WAPL: variants seen among roughly 807,000 people sequenced by gnomAD.
WAPL encodes the protein wings apart-like protein homolog.
Under a neutral mutation model 121.0 loss-of-function variants are expected in WAPL, and 5 were observed. The observed-to-expected ratio is 0.04, with a 90% CI of 0.02 to 0.09. WAPL has a LOEUF of 0.09. Among genes scored for constraint, WAPL ranks in the 10% least tolerant of loss-of-function variants. The pLI is 1.00. For missense variants in WAPL, 999 were observed against 1,410.8 expected (o/e 0.71, Z 4.68); for synonymous variants, 480 against 481.5 (o/e 1.00, Z 0.04).
chr10:86,503,481 G>T (rs1842285229), intron 2 of WAPL, among the ~76,000 whole-genome samples: 1 of 152,120 alleles, frequency 6.6e-6, no homozygotes, highest in Non-Finnish European at 1.5e-5. Flanking sequence ...CGCCGGGTGT[G>T]GTGGCTCATG....
chr10:86,445,524 T>C, intron 16 of WAPL, among the ~76,000 whole-genome samples: 1 of 140,094 alleles, frequency 7.1e-6, no homozygotes, highest in East Asian at 2.1e-4. Context: ...TTACCTCTAG[T>C]ATCTTTTTTT....
intron 4 of WAPL, among the ~76,000 whole-genome samples, chr10:86,478,287 G>A (rs1388149495): frequency 6.6e-6 from 1 of 151,942 alleles, no homozygotes; most frequent in Non-Finnish European, 1.5e-5. Flanking sequence ...AAATTAGCTG[G>A]GAATGGTGGC....
intron 4 of WAPL, among the ~76,000 whole-genome samples, chr10:86,492,127 G>T (rs978981612): frequency 1.3e-5 from 2 of 152,034 alleles, no homozygotes; most frequent in Non-Finnish European, 2.9e-5. Context: ...AATATTCTTT[G>T]TGTCTGAGTT....
At chr10:86,459,866 T>C (rs1411926393) in intron 11 of WAPL, among the ~76,000 whole-genome samples, 1 of 152,074 alleles carries the variant, frequency 6.6e-6, no homozygotes, top group Non-Finnish European at 1.5e-5. Flanking sequence ...GTAATCCCAA[T>C]ACTTTGGGAG....
intron 4 of WAPL, among the ~76,000 whole-genome samples, chr10:86,483,485 C>T (rs1327889507): frequency 2.0e-5 from 3 of 151,654 alleles, no homozygotes; most frequent in Non-Finnish European, 2.9e-5. Flanking sequence ...CAATGAATGA[C>T]TATTAACAAT....
rs776181293 is a variant in WAPL, at chr10:86,499,756, T to C, written c.1487A>G (p.Asp496Gly). Residue 496 changes from aspartate (D) to glycine (G), a missense_variant, in exon 3 of 19, where the codon GAT (aspartate) becomes GGT (glycine). Physicochemically the swap from Asp to Gly is moderately conservative, Grantham distance 94. This residue lies in a region of WAPL where 531 missense variants were observed against 563.1 expected (regional missense o/e 0.94). Transcript: ENST00000298767. Reference sequence around the variant, plus strand: ...ACCAGACTGACTGTCCTGGGAATTATCATTGCTTTCTGGGGGAGGCTGCAA... The same window carrying C: ...ACCAGACTGACTGTCCTGGGAATTACCATTGCTTTCTGGGGGAGGCTGCAA... Reference protein sequence around the residue: ...PSLQPPPESNDNSQDSQSGTN... With the variant: ...PSLQPPPESNGNSQDSQSGTN... 6.3e-7 allele frequency: 1 copy of C among 1,598,058 alleles called. No individual in the cohort carries two copies. The highest frequency in any genetic ancestry group is 8.5e-7 in the Non-Finnish European group (1 of 1,175,368).
chr10:86,491,103 A>G (rs538095181), intron 4 of WAPL, among the ~76,000 whole-genome samples: 34 of 150,854 alleles, frequency 2.3e-4, no homozygotes, highest in Admixed American at 2.1e-3. Context: ...ATAAATTTGA[A>G]AAAGAAACTA....
At chr10:86,458,767 C>G (rs186279872) in intron 12 of WAPL, among the ~76,000 whole-genome samples, 1 of 152,220 alleles carries the variant, frequency 6.6e-6, no homozygotes, top group African/African-American at 2.4e-5. Flanking sequence ...TTGTACATTA[C>G]AAAAGTTATA....
chr10:86,511,460 T>C (rs558830965), intron 2 of WAPL, among the ~76,000 whole-genome samples: 19 of 152,234 alleles, frequency 1.2e-4, no homozygotes, highest in African/African-American at 4.1e-4. Flanking sequence ...ATTTATCTCA[T>C]TCACATCAGA....
rs367676418 is a variant in WAPL, at chr10:86,475,159, G to C, written c.1645-1186C>G. On this transcript the variant is annotated intron_variant, in intron 4 of 18. Transcript: ENST00000298767. Reference sequence around the variant, plus strand: ...ATTTCCGAATTGAGAATAAATGACAGTAAACCTACAAAATCAAATCAAGTA... The same window carrying C: ...ATTTCCGAATTGAGAATAAATGACACTAAACCTACAAAATCAAATCAAGTA... Among the ~76,000 whole-genome samples the C allele has an allele frequency of 3.9e-5, 6 of 152,276 alleles. No homozygotes were observed. The South Asian group carries it at 8.3e-4, about 21-fold the overall frequency.
chr10:86,500,706 A>G lies in WAPL; in HGVS notation c.537T>C (p.Asn179=). 6.3e-7 allele frequency: 1 copy of G among 1,579,598 alleles called. No homozygotes were observed. Among genetic ancestry groups the G allele is most frequent in the East Asian group, 2.2e-5 (1 of 44,682 alleles). ...VENFHEEHEK[N]SHHIHKNADD... ...CAGCATTTTTGTGAATATGGTGACT[A>G]TTCTTTTCATGTTCTTCATGAAAAT... is the stretch of plus-strand genomic sequence containing the variant. The change falls in exon 3 of 19, where the codon AAT becomes AAC. Residue 179 remains asparagine, a synonymous_variant. Transcript: ENST00000298767.
intron 15 of WAPL, among the ~76,000 whole-genome samples, chr10:86,448,567 T>C (rs1354860881): frequency 6.6e-6 from 1 of 152,208 alleles, no homozygotes; most frequent in Non-Finnish European, 1.5e-5. Flanking sequence ...GGGTATAGAC[T>C]AAATACTATG....
chr10:86,496,051 T>C (rs961837642), intron 4 of WAPL, among the ~76,000 whole-genome samples: 2 of 151,636 alleles, frequency 1.3e-5, no homozygotes, highest in African/African-American at 4.8e-5. Flanking sequence ...GAGGCGGAGG[T>C]TGCAGTGAGC....
At chr10:86,467,131 A>G (rs896931132) in intron 9 of WAPL, 148 bp downstream of exon 9, 2 of 673,030 alleles carry the variant, frequency 3.0e-6, no homozygotes, top group Non-Finnish European at 2.5e-6. Context: ...GAATGAAATT[A>G]TGCTCAGATC....
chr10:86,449,247 G>A (rs1840909413), intron 15 of WAPL, among the ~76,000 whole-genome samples: 1 of 152,128 alleles, frequency 6.6e-6, no homozygotes, highest in Non-Finnish European at 1.5e-5. Flanking sequence ...TAGCATAAAC[G>A]ATATAAATCT....
chr10:86,458,517 ACT>A (rs1175646306), intron 12 of WAPL, among the ~76,000 whole-genome samples: 1 of 152,252 alleles, frequency 6.6e-6, no homozygotes, highest in Non-Finnish European at 1.5e-5. Context: ...TACGCCAAGT[ACT>A]GTTCTAGGCT....
rs748328110 is a variant in WAPL at position 86,473,963 on chromosome 10, T to C, written c.1655A>G (p.Lys552Arg). ...IFSGPKRSPT[K>R]AVYNARHWNH... ...CCAATGTCTGGCATTATATACAGCT[T>C]TTGTGGGTGACTAGAGAAATGAGAG... Residue 552 changes from lysine (K) to arginine (R), a missense_variant, in exon 5 of 19, where the codon AAA (lysine) becomes AGA (arginine). Physicochemically the swap from Lys to Arg is conservative, Grantham distance 26. Transcript: ENST00000298767. 3 of 1,613,866 alleles carry C rather than the reference T, an allele frequency of 1.9e-6. No homozygotes were observed. The South Asian group carries it at 3.3e-5, about 18-fold the overall frequency.
chr10:86,437,476 G>A lies in WAPL; in HGVS notation c.*67C>T. 2 of 1,528,826 alleles carry A rather than the reference G, an allele frequency of 1.3e-6. No homozygotes were observed. Among genetic ancestry groups the A allele is most frequent in the Non-Finnish European group, 1.8e-6 (2 of 1,119,160 alleles). 94.7% of individuals were successfully genotyped at this position (1,528,826 alleles called of 1,614,324 possible). On this transcript the variant is annotated 3_prime_UTR_variant, in exon 19 of 19. Transcript: ENST00000298767. ...GTATATCTTCAAGGACTTCTTTCAT[G>A]ACTTGACTTTTCTTTGTCTAAGGAT...
At chr10:86,460,789 C>A (rs184373649) in intron 10 of WAPL, among the ~76,000 whole-genome samples, 3 of 152,042 alleles carry the variant, frequency 2.0e-5, no homozygotes, top group Non-Finnish European at 4.4e-5. Flanking sequence ...TCTCGGCTCA[C>A]TGCAACCTCC....
Sources: gnomAD v4.1 joint callset for allele counts (sites outside exome capture counted in the v4.1 genomes callset) on GRCh38, gnomAD v4.1.1 for gene constraint, gnomAD v4.1.1 regional missense constraint, MANE v1.5 for transcripts, NCBI Gene and HGNC (gene_info 2026-07-23, HGNC 2026-07-21) for gene names.